The following GATA4 variants were observed in gnomAD, a reference collection of about 807,000 sequenced individuals.
GATA4 encodes GATA binding protein 4, also known as transcription factor GATA-4.
GATA4 carries 7 observed loss-of-function variants against 37.9 expected under a neutral mutation model. The ratio of observed to expected loss-of-function variants is 0.18; its 90% CI spans 0.11 to 0.35. The LOEUF is 0.35. Ranked by LOEUF, GATA4 falls within the 10% of genes least tolerant of loss-of-function variation. The pLI is 1.00. For synonymous variants in GATA4, 372 were observed against 292.6 expected (o/e 1.27, Z -2.77); for missense variants, 647 against 653.0 (o/e 0.99, Z 0.10).
At chr8:11,748,250 G>C (rs1242668154) in intron 2 of GATA4, among the ~76,000 whole-genome samples, 2 of 151,862 alleles carry the variant, frequency 1.3e-5, no homozygotes, top group Admixed American at 1.3e-4. Context: ...CAAAGGGCTG[G>C]GCACAGTGGC....
intron 1 of GATA4, among the ~76,000 whole-genome samples, chr8:11,698,273 C>T (rs539333035): frequency 6.6e-6 from 1 of 152,214 alleles, no homozygotes; most frequent in African/African-American, 2.4e-5. Flanking sequence ...ATTTGACTTA[C>T]TTATTGTCCG....
chr8:11,678,007 A>G (rs1798836313), intron 1 of GATA4, among the ~76,000 whole-genome samples: 1 of 125,164 alleles, frequency 8.0e-6, no homozygotes, highest in African/African-American at 3.1e-5. Flanking sequence ...AAAAGGGCTG[A>G]GTCAAAATAA....
Position 11,711,907 on chromosome 8 carries a change from C to T in GATA4, c.616+2979C>T, listed in dbSNP as rs1800201706. 2.6e-5 allele frequency among the ~76,000 whole-genome samples: 4 copies of T among 152,130 alleles called. No homozygotes were observed. The South Asian group carries it at 8.3e-4, about 32-fold the overall frequency. On this transcript the variant is annotated intron_variant, in intron 2 of 6. Transcript: ENST00000532059. ...ATGGAGGGAAGATGAGAACTGACCC[C>T]AGCTTTCTGAGGAGTTGCCACTGAG...
chr8:11,727,299 C>T (rs918050075), intron 2 of GATA4, among the ~76,000 whole-genome samples: 1 of 151,990 alleles, frequency 6.6e-6, no homozygotes, highest in African/African-American at 2.4e-5. Context: ...TTCCCCAGGA[C>T]AAAGCAGAGG....
At chr8:11,702,214 G>T (rs1452280529), upstream of GATA4, among the ~76,000 whole-genome samples, 1 of 152,164 alleles carries the variant, frequency 6.6e-6, no homozygotes, top group Non-Finnish European at 1.5e-5. The surrounding 1 kb of genome is among the most constrained non-coding windows in gnomAD (Gnocchi z 4.4). Context: ...ATGGCACCCC[G>T]CCAGACACTA....
intron 2 of GATA4, among the ~76,000 whole-genome samples, chr8:11,731,033 A>T (rs1482921791): frequency 6.6e-6 from 1 of 152,146 alleles, no homozygotes; most frequent in African/African-American, 2.4e-5. Flanking sequence ...TTGCTGCAGG[A>T]TTCTCCTTTG....
At chr8:11,744,069 C>A (rs546719187) in intron 2 of GATA4, among the ~76,000 whole-genome samples, 2 of 152,156 alleles carry the variant, frequency 1.3e-5, no homozygotes, top group African/African-American at 4.8e-5. Flanking sequence ...TCAGTTGGTT[C>A]CTGGCTTGCA....
At chr8:11,681,117 G>T (rs1395620870) in intron 1 of GATA4, 3 of 983,726 alleles carry the variant, frequency 3.0e-6, no homozygotes, top group Non-Finnish European at 3.6e-6. Flanking sequence ...CAGGGTTCGT[G>T]GTCCGGAAAA....
chr8:11,721,897 G>A (rs1800693461), intron 2 of GATA4, among the ~76,000 whole-genome samples: 1 of 152,234 alleles, frequency 6.6e-6, no homozygotes, highest in East Asian at 1.9e-4. Context: ...CCCAGGAGGT[G>A]TAGAGGTGAA....
In GATA4 at chr8:11,759,366, G is replaced by C. The variant is rs557944704; in HGVS notation, c.*891G>C. 34 of 153,042 alleles carry C rather than the reference G, an allele frequency of 2.2e-4. No individual in the cohort carries two copies. Among genetic ancestry groups the C allele is most frequent in the African/African-American group, 7.9e-4 (33 of 41,596 alleles). 9.5% of individuals were successfully genotyped at this position (153,042 alleles called of 1,614,324 possible). ...GCCAGTCTGGCAAGCACTCAGCCCA[G>C]CCTCGAGGTCCTTCTGGGGAGAGTG... On this transcript the variant is annotated 3_prime_UTR_variant, in exon 7 of 7. Coordinates refer to ENST00000532059, the MANE Select transcript of GATA4 (RefSeq NM_001308093.3).
intron 1 of GATA4, among the ~76,000 whole-genome samples, chr8:11,695,406 C>CAA (rs879892343): frequency 6.8e-6 from 1 of 147,396 alleles, no homozygotes; most frequent in African/African-American, 2.5e-5. Context: ...AACTCCATCT[C>CAA]AAAAAAAAAA....
At chr8:11,693,522 AACACACACACACACACACACAC>A (rs140439542) in intron 1 of GATA4, among the ~76,000 whole-genome samples, 1 of 109,962 alleles carries the variant, frequency 9.1e-6, no homozygotes, top group Non-Finnish European at 1.8e-5. Context: ...ATTCAGCACA[AACACACACACACACACACACAC>A]ACACACACAC....
At chr8:11,743,648 G>T (rs1409176092) in intron 2 of GATA4, among the ~76,000 whole-genome samples, 1 of 152,236 alleles carries the variant, frequency 6.6e-6, no homozygotes, top group African/African-American at 2.4e-5. Flanking sequence ...GCCTCCCCTT[G>T]TTGGGGTGGG....
Position 11,687,020 on chromosome 8 carries a change from A to G in GATA4, c.-274+9957A>G, listed in dbSNP as rs557942792. 1.3e-4 allele frequency among the ~76,000 whole-genome samples: 20 copies of G among 152,026 alleles called. No individual in the cohort carries two copies. In the East Asian group the frequency reaches 3.5e-3, roughly 26 times the overall value. The stretch of plus-strand genomic sequence containing the variant: ...TTCAAAAAAAAAAAAAAAATCCTCA[A>G]CCACAGTTGTTTAATCTGCCCCTTT... On this transcript the variant is annotated intron_variant, in intron 1 of 6. Transcript: ENST00000528712.
chr8:11,741,920 G>T (rs550519386), intron 2 of GATA4, among the ~76,000 whole-genome samples: 36 of 152,192 alleles, frequency 2.4e-4, no homozygotes, highest in South Asian at 2.1e-4. Flanking sequence ...GATGGCCAAG[G>T]CATCTGTGGG....
chr8:11,684,585 G>A (rs1046471622), intron 1 of GATA4, among the ~76,000 whole-genome samples: 39 of 152,190 alleles, frequency 2.6e-4, no homozygotes, highest in African/African-American at 9.2e-4. Flanking sequence ...GTTGTGATTT[G>A]AATTCCATCT....
intron 2 of GATA4, among the ~76,000 whole-genome samples, chr8:11,737,906 T>G (rs1352932097): frequency 6.6e-6 from 1 of 152,106 alleles, no homozygotes; most frequent in African/African-American, 2.4e-5. Context: ...ATAGGACAGC[T>G]ATGGTGGCGC....
At position 11,716,827 on chromosome 8, in the gene GATA4, C is replaced by G. The variant is rs140855836; in HGVS notation, c.616+7899C>G. On this transcript the variant is annotated intron_variant, in intron 2 of 6. Transcript: ENST00000532059. ...TGATTCTTTTAAACAAATTTTAAGA[C>G]AATTTAGTTGTACTGAATTTAGAGC... Among the ~76,000 whole-genome samples, 631 of 152,338 alleles carry G rather than the reference C, an allele frequency of 4.1e-3. 12 individuals are homozygous for G. Among genetic ancestry groups the G allele is most frequent in the Non-Finnish European group, 2.9e-3 (196 of 68,038 alleles).
At chr8:11,706,354 G>T (rs1799890430) in intron 1 of GATA4, among the ~76,000 whole-genome samples, 1 of 152,056 alleles carries the variant, frequency 6.6e-6, no homozygotes, top group South Asian at 2.1e-4. Flanking sequence ...TACATTTGAG[G>T]TACTTTCTTG....
Sources: gnomAD v4.1 joint callset for allele counts (sites outside exome capture counted in the v4.1 genomes callset) on GRCh38, gnomAD v4.1.1 for gene constraint, Gnocchi (gnomAD v3.1) non-coding constraint, MANE v1.5 for transcripts, NCBI Gene and HGNC (gene_info 2026-07-23, HGNC 2026-07-21) for gene names.